The following CTTNBP2 variants were observed in gnomAD, a reference collection of about 807,000 sequenced individuals.
CTTNBP2 encodes cortactin binding protein 2.
A neutral mutation model predicts 156.9 loss-of-function variants in CTTNBP2; 108 were observed. The observed-to-expected ratio is 0.69, with a 90% CI of 0.59 to 0.81. The LOEUF is 0.81. CTTNBP2 is among the 30% of genes least tolerant of loss of function. The probability of loss-of-function intolerance (pLI) is 0.00; values close to 1 mark genes in which losing one functional copy is unlikely to be tolerated. For missense variants in CTTNBP2, 1,924 were observed against 2,035.4 expected (o/e 0.95, Z 1.05); for synonymous variants, 767 against 751.8 (o/e 1.02, Z -0.33).
At chr7:117,791,081 G>T in intron 4 of CTTNBP2, 47 bp downstream of exon 4, 1 of 1,473,790 alleles carries the variant, frequency 6.8e-7, no homozygotes, top group South Asian at 1.3e-5. Flanking sequence ...CAAGTGAGAA[G>T]AGAGGCCATA....
chr7:117,734,778 T>C (rs1219848172), intron 16 of CTTNBP2, 135 bp downstream of exon 16: 2 of 560,254 alleles, frequency 3.6e-6, no homozygotes, highest in African/African-American at 3.9e-5. Context: ...TCATTATGTT[T>C]TTTGGCCCTT....
At chr7:117,744,000 C>T (rs1796171785) in intron 14 of CTTNBP2, among the ~76,000 whole-genome samples, 1 of 151,842 alleles carries the variant, frequency 6.6e-6, no homozygotes, top group South Asian at 2.1e-4. Context: ...CCTAAACCTG[C>T]CTCTTAATTT....
At chr7:117,753,273 G>C (rs1584946532) in intron 12 of CTTNBP2, among the ~76,000 whole-genome samples, 1 of 152,148 alleles carries the variant, frequency 6.6e-6, no homozygotes, top group African/African-American at 2.4e-5. Flanking sequence ...CAAGGTTGTG[G>C]AGAAAAAGGA....
At chr7:117,741,003 C>T (rs1216618302) in intron 14 of CTTNBP2, among the ~76,000 whole-genome samples, 1 of 152,110 alleles carries the variant, frequency 6.6e-6, no homozygotes, top group Admixed American at 6.5e-5. Flanking sequence ...CCACAATGTT[C>T]CTGATGTAGA....
intron 4 of CTTNBP2, among the ~76,000 whole-genome samples, chr7:117,788,574 G>A (rs953915302): frequency 1.3e-5 from 2 of 152,210 alleles, no homozygotes; most frequent in Non-Finnish European, 2.9e-5. Flanking sequence ...AGTAAGCAGG[G>A]TGGAGGCAGC....
intron 19 of CTTNBP2, 127 bp downstream of exon 19, chr7:117,724,420 G>T: frequency 1.3e-6 from 1 of 757,086 alleles, no homozygotes. Context: ...ATGAAAATGT[G>T]CATTAAAATA....
intron 10 of CTTNBP2, among the ~76,000 whole-genome samples, chr7:117,759,153 G>A (rs1035216206): frequency 2.0e-5 from 3 of 152,028 alleles, no homozygotes; most frequent in Admixed American, 6.6e-5. Flanking sequence ...TTGTGGCTCA[G>A]GCTGGAGTGC....
intron 22 of CTTNBP2, among the ~76,000 whole-genome samples, chr7:117,712,828 A>T (rs1243861882): frequency 6.6e-6 from 1 of 152,152 alleles, no homozygotes; most frequent in Admixed American, 6.5e-5. Context: ...ATACGATTTT[A>T]AAAAATCTTG....
intron 10 of CTTNBP2, among the ~76,000 whole-genome samples, chr7:117,759,964 A>C (rs898628892): frequency 3.9e-5 from 6 of 152,220 alleles, no homozygotes; most frequent in African/African-American, 1.2e-4. Context: ...TACCACCCTG[A>C]TTCATCCCAT....
chr7:117,798,577 A>G (rs1033507488), intron 3 of CTTNBP2, among the ~76,000 whole-genome samples: 1 of 152,142 alleles, frequency 6.6e-6, no homozygotes, highest in Non-Finnish European at 1.5e-5. Context: ...TGGGACTCTG[A>G]AAGCAGAGCA....
intron 3 of CTTNBP2, among the ~76,000 whole-genome samples, chr7:117,802,618 A>G (rs182075191): frequency 1.3e-5 from 2 of 152,306 alleles, no homozygotes; most frequent in Admixed American, 1.3e-4. Flanking sequence ...AGATAAGAGA[A>G]AATATTCATA....
chr7:117,771,703 C>T lies in CTTNBP2; in HGVS notation c.2779-4527G>A, dbSNP rs550495715. On this transcript the variant is annotated intron_variant, in intron 8 of 22. Coordinates refer to ENST00000160373, the MANE Select transcript of CTTNBP2 (RefSeq NM_033427.3). ...TCACTGACTCAGCAAACATTTAGTA[C>T]TTTTGGGCCACAGACTCTGCTGGAC... Among the ~76,000 whole-genome samples, 25 of 152,298 alleles carry T rather than the reference C, an allele frequency of 1.6e-4. No individual in the cohort carries two copies. The South Asian group carries it at 4.4e-3, about 27-fold the overall frequency.
intron 8 of CTTNBP2, among the ~76,000 whole-genome samples, chr7:117,775,291 A>G (rs568541556): frequency 4.6e-5 from 7 of 152,246 alleles, no homozygotes; most frequent in African/African-American, 1.7e-4. Flanking sequence ...TTCTTAAAGT[A>G]AAAAAACACA....
chr7:117,859,525 A>T (rs114507906), intron 2 of CTTNBP2, among the ~76,000 whole-genome samples: 1 of 152,350 alleles, frequency 6.6e-6, no homozygotes, highest in African/African-American at 2.4e-5. Flanking sequence ...TCTAAGGCAC[A>T]GCTGGAGCCC....
At chr7:117,870,266 G>A (rs1804491699) in intron 1 of CTTNBP2, among the ~76,000 whole-genome samples, 1 of 152,150 alleles carries the variant, frequency 6.6e-6, no homozygotes. Context: ...TCAGTAATGT[G>A]TGTTAAATCT....
intron 9 of CTTNBP2, among the ~76,000 whole-genome samples, chr7:117,766,627 G>A (rs1797499434): frequency 6.6e-6 from 1 of 152,110 alleles, no homozygotes; most frequent in Non-Finnish European, 1.5e-5. Flanking sequence ...GGAGCTGGAA[G>A]GGACCCAAAA....
chr7:117,825,111 A>G (rs965560538), intron 2 of CTTNBP2, among the ~76,000 whole-genome samples: 2 of 152,198 alleles, frequency 1.3e-5, no homozygotes, highest in African/African-American at 4.8e-5. Context: ...GTAGACTGGT[A>G]CAAATGTACA....
intron 8 of CTTNBP2, among the ~76,000 whole-genome samples, chr7:117,776,684 C>A (rs1798120787): frequency 6.6e-6 from 1 of 152,242 alleles, no homozygotes; most frequent in African/African-American, 2.4e-5. Flanking sequence ...CTGAGCCTAA[C>A]ATTCCTGGAG....
At chr7:117,869,148 C>A (rs1342550851) in intron 1 of CTTNBP2, among the ~76,000 whole-genome samples, 2 of 152,120 alleles carry the variant, frequency 1.3e-5, no homozygotes, top group East Asian at 1.9e-4. Context: ...TTTTAAAAAA[C>A]CCCTGCAAAG....
Sources: gnomAD v4.1 joint callset for allele counts (sites outside exome capture counted in the v4.1 genomes callset) on GRCh38, gnomAD v4.1.1 for gene constraint, MANE v1.5 for transcripts, NCBI Gene and HGNC (gene_info 2026-07-23, HGNC 2026-07-21) for gene names.